The following HS6ST3 variants were observed in gnomAD, a reference collection of about 807,000 sequenced individuals.
HS6ST3 encodes the protein heparan-sulfate 6-O-sulfotransferase 3.
A neutral mutation model predicts 36.7 loss-of-function variants in HS6ST3; 12 were observed. The observed-to-expected ratio is 0.33, with a 90% CI of 0.21 to 0.53. HS6ST3 has a LOEUF of 0.53. HS6ST3 is among the 20% of genes least tolerant of loss of function. The pLI, the probability that HS6ST3 is intolerant of heterozygous loss-of-function variation, is 0.95. For synonymous variants in HS6ST3, 240 were observed against 257.5 expected (o/e 0.93, Z 0.65); for missense variants, 584 against 640.9 (o/e 0.91, Z 0.96).
chr13:96,825,379 G>T (rs1217630588), intron 1 of HS6ST3, among the ~76,000 whole-genome samples: 2 of 152,134 alleles, frequency 1.3e-5, no homozygotes, highest in Non-Finnish European at 1.5e-5. Flanking sequence ...GTATTGAAAA[G>T]GAAGGATTTG....
At chr13:96,365,294 G>A (rs7989336) in intron 1 of HS6ST3, among the ~76,000 whole-genome samples, 80,229 of 152,032 alleles carry the variant, frequency 0.53, 21,744 homozygotes, top group Middle Eastern at 0.63. Context: ...CCTGTGCCAC[G>A]TGAGGCATTG....
chr13:96,103,368 A>G (rs2053826707), intron 1 of HS6ST3, among the ~76,000 whole-genome samples: 1 of 152,166 alleles, frequency 6.6e-6, no homozygotes, highest in Admixed American at 6.5e-5. Flanking sequence ...TATTTATTAT[A>G]TCATTTCCTG....
chr13:96,387,341 A>G (rs1442430281), intron 1 of HS6ST3, among the ~76,000 whole-genome samples: 1 of 152,190 alleles, frequency 6.6e-6, no homozygotes, highest in Non-Finnish European at 1.5e-5. Flanking sequence ...GTTAATATAG[A>G]TGATCTTCAG....
intron 1 of HS6ST3, among the ~76,000 whole-genome samples, chr13:96,331,200 C>A (rs2055064666): frequency 6.6e-6 from 1 of 152,248 alleles, no homozygotes; most frequent in Non-Finnish European, 1.5e-5. Flanking sequence ...ATTCTCCCTC[C>A]AGCTTTGTTC....
At position 96,694,347 on chromosome 13, in the gene HS6ST3, T is replaced by C. The variant is rs183495600; in HGVS notation, c.708-138143T>C. On this transcript the variant is annotated intron_variant, in intron 1 of 1. Transcript: ENST00000376705. ...TGTTCCTGCAAAGGACATGATCTCA[T>C]TCTTTTTTATAGCGGCATAGTATTC... Among the ~76,000 whole-genome samples the C allele has an allele frequency of 6.8e-3, 1,041 of 152,324 alleles. 11 individuals carry two copies. Among genetic ancestry groups the C allele is most frequent in the Middle Eastern group, 0.031 (9 of 294 alleles).
chr13:96,558,853 A>G (rs1235937652), intron 1 of HS6ST3, among the ~76,000 whole-genome samples: 5 of 152,202 alleles, frequency 3.3e-5, no homozygotes, highest in East Asian at 1.9e-4. Context: ...TTTCAAACTT[A>G]CAGAATTCTA....
chr13:96,380,237 A>G (rs749733286), intron 1 of HS6ST3, among the ~76,000 whole-genome samples: 3 of 148,292 alleles, frequency 2.0e-5, no homozygotes, highest in Admixed American at 1.4e-4. Context: ...TATGAATCTT[A>G]TAACAGATAC....
intron 1 of HS6ST3, among the ~76,000 whole-genome samples, chr13:96,813,949 A>G (rs1435394560): frequency 6.6e-6 from 1 of 152,188 alleles, no homozygotes; most frequent in Non-Finnish European, 1.5e-5. Flanking sequence ...TGTTTCTTCT[A>G]GGAGTTGCTA....
chr13:96,171,333 C>T (rs1236515572), intron 1 of HS6ST3, among the ~76,000 whole-genome samples: 11 of 152,136 alleles, frequency 7.2e-5, no homozygotes, highest in Admixed American at 7.2e-4. Flanking sequence ...AGTGGTTTCT[C>T]AGGTCAAAAT....
intron 1 of HS6ST3, among the ~76,000 whole-genome samples, chr13:96,455,251 C>T (rs1001053378): frequency 5.3e-5 from 8 of 152,108 alleles, no homozygotes; most frequent in Admixed American, 1.3e-4. Context: ...TTTTAGACAG[C>T]GTCTCACTCT....
chr13:96,622,578 G>A (rs2056498818), intron 1 of HS6ST3, among the ~76,000 whole-genome samples: 1 of 150,246 alleles, frequency 6.7e-6, no homozygotes, highest in African/African-American at 2.5e-5. Context: ...AAGGGTTTCA[G>A]GCAAGATTTG....
rs769487378 is a variant in HS6ST3, at chr13:96,091,318, C to T, written c.456C>T (p.His152=). 1.2e-6 allele frequency: 2 copies of T among 1,614,062 alleles called. No homozygotes were observed. Among genetic ancestry groups the T allele is most frequent in the Non-Finnish European group, 1.7e-6 (2 of 1,180,006 alleles). The change falls in exon 1 of 2, where the codon CAC becomes CAT. Residue 152 remains histidine, a synonymous_variant. Transcript: ENST00000376705. ...GGCGCGACGTGATCGTGTTCCTCCACATCCAGAAGACGGGGGGCACCACTT... is the reference window on the plus strand; with the variant it reads ...GGCGCGACGTGATCGTGTTCCTCCATATCCAGAAGACGGGGGGCACCACTT... The part of the protein sequence containing the change: ...IKGRDVIVFL[H]IQKTGGTTFG...
chr13:96,734,801 T>C (rs1308269309), intron 1 of HS6ST3, among the ~76,000 whole-genome samples: 1 of 152,190 alleles, frequency 6.6e-6, no homozygotes, highest in Non-Finnish European at 1.5e-5. Flanking sequence ...ACCAACCATT[T>C]GATTCTCTTC....
At chr13:96,569,021 G>A (rs149481688) in intron 1 of HS6ST3, among the ~76,000 whole-genome samples, 25 of 152,254 alleles carry the variant, frequency 1.6e-4, no homozygotes, top group African/African-American at 5.8e-4. Flanking sequence ...CTAGAACTTG[G>A]TTATCTTCAT....
intron 1 of HS6ST3, among the ~76,000 whole-genome samples, chr13:96,681,556 A>G (rs2056718444): frequency 6.6e-6 from 1 of 152,170 alleles, no homozygotes; most frequent in African/African-American, 2.4e-5. Context: ...GTCCTTAATT[A>G]ATGAAATAAT....
intron 1 of HS6ST3, among the ~76,000 whole-genome samples, chr13:96,702,618 T>C (rs1313611230): frequency 6.6e-6 from 1 of 152,152 alleles, no homozygotes; most frequent in Admixed American, 6.5e-5. Context: ...GCTGACTGCT[T>C]CTCTATTGCA....
rs1018374897 is a variant in HS6ST3, at chr13:96,810,947, T to G, written c.708-21543T>G. Among the ~76,000 whole-genome samples, 61 of 152,200 alleles carry G rather than the reference T, an allele frequency of 4.0e-4. 1 individual carries two copies. Among genetic ancestry groups the G allele is most frequent in the African/African-American group, 1.4e-3 (56 of 41,450 alleles). Reference sequence around the variant, plus strand: ...GTCTTAATTATAGGCCTCTGAGCTGTGAACAATATTCCAAATACTAACAAT... The same window carrying G: ...GTCTTAATTATAGGCCTCTGAGCTGGGAACAATATTCCAAATACTAACAAT... On this transcript the variant is annotated intron_variant, in intron 1 of 1. Transcript: ENST00000376705.
At chr13:96,119,961 G>T (rs912320576) in intron 1 of HS6ST3, among the ~76,000 whole-genome samples, 2 of 151,954 alleles carry the variant, frequency 1.3e-5, no homozygotes, top group Non-Finnish European at 2.9e-5. Flanking sequence ...ATCAGTTGAA[G>T]TTCTAACCCC....
intron 1 of HS6ST3, among the ~76,000 whole-genome samples, chr13:96,359,929 G>C (rs2055229144): frequency 6.6e-6 from 1 of 152,154 alleles, no homozygotes; most frequent in African/African-American, 2.4e-5. Context: ...ACATGGAACT[G>C]GAGGAACAAG....
Sources: allele counts gnomAD v4.1 joint callset (sites outside exome capture counted in the v4.1 genomes callset), GRCh38; gene constraint gnomAD v4.1.1; transcripts MANE v1.5; gene names NCBI Gene and HGNC (gene_info 2026-07-23, HGNC 2026-07-21).